Variants in TAFA1 observed in about 807,000 individuals in gnomAD.
TAFA1 encodes the protein chemokine-like protein TAFA-1.
TAFA1 carries 4 observed loss-of-function variants against 18.5 expected under a neutral mutation model. The ratio of observed to expected loss-of-function variants is 0.22; its 90% CI spans 0.11 to 0.49. The LOEUF (loss-of-function observed/expected upper bound fraction) is 0.49, where lower values mean the gene tolerates loss of function less well. Among genes scored for constraint, TAFA1 ranks in the 20% least tolerant of loss-of-function variants. TAFA1 has a pLI of 0.98. For missense variants in TAFA1, 147 were observed against 169.0 expected, an observed-to-expected ratio of 0.87 and a Z score of 0.72; for synonymous variants, 56 against 55.2, an observed-to-expected ratio of 1.01 and a Z score of -0.06.
intron 2 of TAFA1, among the ~76,000 whole-genome samples, chr3:68,192,971 C>G (rs1188358199): frequency 6.6e-6 from 1 of 151,672 alleles, no homozygotes; most frequent in Non-Finnish European, 1.5e-5. Flanking sequence ...ACATACAAAG[C>G]AAAGTTGAGG....
chr3:68,420,607 G>T (rs1008900464), intron 3 of TAFA1, among the ~76,000 whole-genome samples: 1 of 152,088 alleles, frequency 6.6e-6, no homozygotes, highest in Non-Finnish European at 1.5e-5. Context: ...TTCTCCCAGG[G>T]ATCATTTGGT....
chr3:68,541,256 T>C (rs1305904904), intron 4 of TAFA1, among the ~76,000 whole-genome samples: 3 of 152,124 alleles, frequency 2.0e-5, no homozygotes, highest in Non-Finnish European at 4.4e-5. Context: ...ACATACGTCC[T>C]CCCTCCTCCC....
At chr3:68,250,148 G>T (rs528303778) in intron 2 of TAFA1, among the ~76,000 whole-genome samples, 5 of 152,224 alleles carry the variant, frequency 3.3e-5, no homozygotes, top group Non-Finnish European at 5.9e-5. Context: ...ATCATCCAGG[G>T]TGATGATTTT....
At chr3:68,510,173 C>A (rs2072824189) in intron 3 of TAFA1, among the ~76,000 whole-genome samples, 1 of 152,078 alleles carries the variant, frequency 6.6e-6, no homozygotes, top group Non-Finnish European at 1.5e-5. Flanking sequence ...TAACATAAAT[C>A]TTCCTTAATC....
At chr3:68,406,077 G>C (rs946949869) in intron 2 of TAFA1, among the ~76,000 whole-genome samples, 1 of 152,100 alleles carries the variant, frequency 6.6e-6, no homozygotes, top group Non-Finnish European at 1.5e-5. Context: ...GGGCTTAGAG[G>C]TTACAACTTG....
chr3:68,088,085 C>G (rs2064991938), intron 2 of TAFA1, among the ~76,000 whole-genome samples: 1 of 152,148 alleles, frequency 6.6e-6, no homozygotes, highest in Non-Finnish European at 1.5e-5. Flanking sequence ...CTGAGACAGT[C>G]TTTATCATCA....
chr3:68,091,822 C>T (rs965955203), intron 2 of TAFA1, among the ~76,000 whole-genome samples: 2 of 152,100 alleles, frequency 1.3e-5, no homozygotes, highest in African/African-American at 2.4e-5. Context: ...GACAAGAACT[C>T]TAATCATTTA....
chr3:68,068,281 T>C (rs981808879), intron 2 of TAFA1, among the ~76,000 whole-genome samples: 1 of 152,230 alleles, frequency 6.6e-6, no homozygotes, highest in Non-Finnish European at 1.5e-5. Flanking sequence ...TATGGGATAT[T>C]ATATTCAAGT....
chr3:68,431,866 C>A (rs1275151503), intron 3 of TAFA1, among the ~76,000 whole-genome samples: 3 of 151,930 alleles, frequency 2.0e-5, no homozygotes, highest in African/African-American at 7.2e-5. Context: ...AAAAGAAATT[C>A]CTAGCCCTTT....
intron 3 of TAFA1, among the ~76,000 whole-genome samples, chr3:68,502,914 G>C (rs957705891): frequency 2.0e-5 from 3 of 152,096 alleles, no homozygotes; most frequent in African/African-American, 7.2e-5. Flanking sequence ...AATCCCCAAA[G>C]GGTGGAAACA....
At chr3:68,034,420 A>G (rs1490466278) in intron 2 of TAFA1, among the ~76,000 whole-genome samples, 3 of 152,198 alleles carry the variant, frequency 2.0e-5, no homozygotes, top group Non-Finnish European at 4.4e-5. Context: ...CTTAAGAGGA[A>G]CCTGCAGCAC....
intron 2 of TAFA1, among the ~76,000 whole-genome samples, chr3:68,163,616 A>G (rs1356109027): frequency 6.6e-6 from 1 of 152,132 alleles, no homozygotes. Flanking sequence ...TCATGGCATA[A>G]TTCACCCTGG....
chr3:68,437,678 A>G (rs2106855873), intron 3 of TAFA1, among the ~76,000 whole-genome samples: 1 of 152,250 alleles, frequency 6.6e-6, no homozygotes. Context: ...ATTCATTGAT[A>G]AGGGCAGAGT....
intron 2 of TAFA1, among the ~76,000 whole-genome samples, chr3:68,392,838 C>T (rs2070291780): frequency 6.6e-6 from 1 of 152,166 alleles, no homozygotes; most frequent in Admixed American, 6.6e-5. Flanking sequence ...ACCAGAATCT[C>T]TGGGACACAG....
At chr3:67,995,194 TAAC>T in the TAFA1 span, among the ~76,000 whole-genome samples, 2 of 152,242 alleles carry the variant, frequency 1.3e-5, no homozygotes, top group African/African-American at 4.8e-5. Flanking sequence ...GACAACTAAA[TAAC>T]AAGAAATTGC....
chr3:68,446,994 C>T (rs571954137), intron 3 of TAFA1, among the ~76,000 whole-genome samples: 2 of 152,280 alleles, frequency 1.3e-5, no homozygotes, highest in South Asian at 4.1e-4. Flanking sequence ...AGTTTTCCAA[C>T]AGTGAAAGTT....
chr3:68,274,761 T>C (rs1179176211), intron 2 of TAFA1, among the ~76,000 whole-genome samples: 1 of 152,188 alleles, frequency 6.6e-6, no homozygotes, highest in East Asian at 1.9e-4. Flanking sequence ...AGCATGTGTA[T>C]CATTAGCCTT....
intron 3 of TAFA1, among the ~76,000 whole-genome samples, chr3:68,480,464 G>A (rs6764527): frequency 0.78 from 118,829 of 152,074 alleles, 46,774 homozygotes; most frequent in African/African-American, 0.88. Context: ...GACCAACTGA[G>A]TCAGAAAGTC....
chr3:68,159,579 T>C (rs1486188848), intron 2 of TAFA1, among the ~76,000 whole-genome samples: 2 of 152,190 alleles, frequency 1.3e-5, no homozygotes, highest in Non-Finnish European at 2.9e-5. Flanking sequence ...CTTAGTTTTT[T>C]AGAGATGCAA....
Sources: gnomAD v4.1 joint callset for allele counts (sites outside exome capture counted in the v4.1 genomes callset) on GRCh38, gnomAD v4.1.1 for gene constraint, MANE v1.5 for transcripts, NCBI Gene and HGNC (gene_info 2026-07-23, HGNC 2026-07-21) for gene names.